Variants in IPP observed in about 807,000 individuals in gnomAD.
IPP encodes the protein intracisternal A particle-promoted polypeptide, also known as actin-binding protein IPP.
IPP carries 41 observed loss-of-function variants against 64.1 expected under a neutral mutation model. The observed-to-expected ratio is 0.64, with a 90% confidence interval of 0.50 to 0.83. The LOEUF (loss-of-function observed/expected upper bound fraction) is 0.83, where lower values mean the gene tolerates loss of function less well. IPP is among the 40% of genes least tolerant of loss of function. IPP has a pLI of 0.00. For synonymous variants in IPP, 214 were observed against 235.2 expected (o/e 0.91, Z 0.83); for missense variants, 649 against 703.0 (o/e 0.92, Z 0.87).
intron 8 of IPP, among the ~76,000 whole-genome samples, chr1:45,712,493 T>C (rs1005410859): frequency 6.6e-6 from 1 of 152,052 alleles, no homozygotes; most frequent in African/African-American, 2.4e-5. Flanking sequence ...AATCCCCACA[T>C]ATTTTTAAAT....
chr1:45,711,653 T>A (rs920028275), intron 8 of IPP, among the ~76,000 whole-genome samples: 1 of 151,708 alleles, frequency 6.6e-6, no homozygotes, highest in Non-Finnish European at 1.5e-5. Context: ...ACGTGGGTGG[T>A]TGAGGCACAA....
intron 8 of IPP, among the ~76,000 whole-genome samples, chr1:45,709,126 G>C (rs1645555658): frequency 1.3e-5 from 2 of 150,208 alleles, no homozygotes; most frequent in South Asian, 4.2e-4. Context: ...GACCTGCACT[G>C]GAAGAAATAT....
At chr1:45,712,862 A>AG (rs927001836) in intron 8 of IPP, among the ~76,000 whole-genome samples, 1 of 140,494 alleles carries the variant, frequency 7.1e-6, no homozygotes. Context: ...TCAAAAAAAA[A>AG]AAGAAAAAAA....
At chr1:45,737,087 A>G (rs1240153786) in intron 3 of IPP, among the ~76,000 whole-genome samples, 1 of 149,978 alleles carries the variant, frequency 6.7e-6, no homozygotes, top group East Asian at 1.9e-4. Flanking sequence ...AACATGTCCC[A>G]TTTCTAGGGG....
intron 3 of IPP, among the ~76,000 whole-genome samples, chr1:45,734,324 G>T (rs115156568): frequency 0.011 from 1,602 of 152,136 alleles, 29 homozygotes; most frequent in African/African-American, 0.037. Flanking sequence ...ACATAAATCT[G>T]AAATTAGTTA....
chr1:45,724,847 G>A (rs1645789553), intron 5 of IPP, among the ~76,000 whole-genome samples: 1 of 151,222 alleles, frequency 6.6e-6, no homozygotes, highest in South Asian at 2.1e-4. Flanking sequence ...GGGAAGTGAG[G>A]AGCGTCTCCG....
chr1:45,711,518 C>A lies in IPP; in HGVS notation c.1530+2728G>T, dbSNP rs141859982. On this transcript the variant is annotated intron_variant, in intron 8 of 8. Coordinates refer to ENST00000396478, the MANE Select transcript of IPP (RefSeq NM_005897.3). ...CCTGTAATCCTAGCACTTTGGGAGG[C>A]CAAGGTGGGCAGATCACTTGAGGTC... Among the ~76,000 whole-genome samples, 343 of 152,210 alleles carry A rather than the reference C, an allele frequency of 2.3e-3. 2 individuals carry two copies. Among genetic ancestry groups the A allele is most frequent in the African/African-American group, 7.9e-3 (330 of 41,546 alleles).
At chr1:45,732,228 G>A (rs571422803) in intron 3 of IPP, among the ~76,000 whole-genome samples, 3 of 151,948 alleles carry the variant, frequency 2.0e-5, no homozygotes, top group South Asian at 2.1e-4. Context: ...GGGCGTTGTG[G>A]TGGGCACATG....
chr1:45,744,846 A>C (rs1269562625), intron 2 of IPP, among the ~76,000 whole-genome samples: 18 of 152,008 alleles, frequency 1.2e-4, no homozygotes, highest in Non-Finnish European at 2.4e-4. Context: ...TCAAAAAAAA[A>C]AAAAAATTTT....
At chr1:45,725,278 C>A (rs1645804284) in intron 5 of IPP, among the ~76,000 whole-genome samples, 1 of 137,686 alleles carries the variant, frequency 7.3e-6, no homozygotes, top group Non-Finnish European at 1.6e-5. Flanking sequence ...TGCCCGGCCG[C>A]CCCTACTGGG....
At chr1:45,719,479 A>T (rs1645703408) in intron 5 of IPP, 139 bp from the exon 6 acceptor site, 1 of 557,674 alleles carries the variant, frequency 1.8e-6, no homozygotes, top group Non-Finnish European at 3.0e-6. Context: ...ATTAACTTTC[A>T]TTTGCCTGTC....
chr1:45,697,161 G>A (rs1027408359), downstream of IPP: 4 of 152,224 alleles, frequency 2.6e-5, no homozygotes, highest in African/African-American at 9.6e-5. Flanking sequence ...GGAACATAGA[G>A]CTTCCTGTCT....
At chr1:45,722,594 CA>C (rs1184718563) in intron 5 of IPP, among the ~76,000 whole-genome samples, 1 of 151,428 alleles carries the variant, frequency 6.6e-6, no homozygotes, top group African/African-American at 2.4e-5. Flanking sequence ...AAGTAAAAAG[CA>C]AAAAAAGAAA....
At chr1:45,703,143 C>T (rs371402047) in intron 8 of IPP, among the ~76,000 whole-genome samples, 7 of 151,252 alleles carry the variant, frequency 4.6e-5, no homozygotes, top group Non-Finnish European at 7.4e-5. Flanking sequence ...GCTGGAGTGC[C>T]GTGGTGCAAT....
rs150007724 is a variant in IPP, at chr1:45,737,902, G to C, written c.724+2999C>G. ...TATCATCACCAGAAGGGTAAGGACA[G>C]TATAATAAGATATTTTAAGATAAAG... On this transcript the variant is annotated intron_variant, in intron 3 of 8. Coordinates refer to ENST00000396478, the MANE Select transcript of IPP (RefSeq NM_005897.3). 2.7e-3 allele frequency among the ~76,000 whole-genome samples: 411 copies of C among 152,258 alleles called. 1 individual carries two copies. The highest frequency in any genetic ancestry group is 9.4e-3 in the African/African-American group (390 of 41,538).
chr1:45,709,268 C>A (rs184934236), intron 8 of IPP, among the ~76,000 whole-genome samples: 22 of 149,680 alleles, frequency 1.5e-4, no homozygotes, highest in African/African-American at 5.1e-4. Context: ...CCCGTCTCTA[C>A]TAAAAATACA....
At chr1:45,716,772 G>T in intron 7 of IPP, 123 bp downstream of exon 7, 1 of 691,136 alleles carries the variant, frequency 1.4e-6, no homozygotes, top group Non-Finnish European at 2.4e-6. Context: ...GAACTTCTAT[G>T]CTGCTAGTAT....
At chr1:45,724,897 C>T (rs1363068683) in intron 5 of IPP, among the ~76,000 whole-genome samples, 10 of 144,032 alleles carry the variant, frequency 6.9e-5, no homozygotes, top group African/African-American at 2.6e-4. Flanking sequence ...TGGGGGGGGT[C>T]AGCCCCCCGC....
chr1:45,725,206 G>A (rs1570003395), intron 5 of IPP, among the ~76,000 whole-genome samples: 1 of 136,332 alleles, frequency 7.3e-6, no homozygotes, highest in Non-Finnish European at 1.6e-5. Flanking sequence ...GTCCGGGAGG[G>A]AGGTGGGGGG....
Sources: allele counts gnomAD v4.1 joint callset (sites outside exome capture counted in the v4.1 genomes callset), GRCh38; gene constraint gnomAD v4.1.1; transcripts MANE v1.5; gene names NCBI Gene and HGNC (gene_info 2026-07-23, HGNC 2026-07-21).